Variants in NBEA observed in about 807,000 individuals in gnomAD.
The protein encoded by NBEA is lysosomal-trafficking regulator 2.
A neutral mutation model predicts 343.4 loss-of-function variants in NBEA; 44 were observed. That is an observed-to-expected ratio of 0.13 (90% CI 0.10 to 0.16). The LOEUF is 0.16. Among genes scored for constraint, NBEA ranks in the 10% least tolerant of loss-of-function variants. The pLI is 1.00. For synonymous variants in NBEA, 1,175 were observed against 1,238.7 expected (o/e 0.95, Z 1.08); for missense variants, 2,555 against 3,631.3 (o/e 0.70, Z 7.62).
chr13:35,434,639 A>G lies in NBEA; in HGVS notation c.6304+2246A>G, dbSNP rs371380066. The stretch of plus-strand genomic sequence containing the variant: ...CCTCTAACCTTCCTCACAGTTCACA[A>G]GTCTATGGACTTTAGGACTGAGTGG... On this transcript the variant is annotated intron_variant, in intron 39 of 58. Coordinates refer to ENST00000379939, the MANE Select transcript of NBEA (RefSeq NM_001385012.1). Among the ~76,000 whole-genome samples the G allele has an allele frequency of 3.0e-4, 46 of 152,332 alleles. No homozygotes were observed. In the South Asian group the frequency reaches 8.9e-3, roughly 29 times the overall value.
At chr13:35,222,465 C>T (rs993433245) in intron 33 of NBEA, among the ~76,000 whole-genome samples, 1 of 151,982 alleles carries the variant, frequency 6.6e-6, no homozygotes, top group Non-Finnish European at 1.5e-5. Context: ...TTGATATCTA[C>T]CAATTTGGTA....
chr13:35,133,159 A>G (rs1373609430), intron 17 of NBEA, among the ~76,000 whole-genome samples: 1 of 152,178 alleles, frequency 6.6e-6, no homozygotes, highest in East Asian at 1.9e-4. Flanking sequence ...AATTGTGCAA[A>G]TAAATTAGAA....
At chr13:35,266,949 TTA>T (rs151152598) in intron 34 of NBEA, among the ~76,000 whole-genome samples, 6,931 of 152,002 alleles carry the variant, frequency 0.046, 199 homozygotes, top group South Asian at 0.079. Context: ...TTAACACATT[TTA>T]TATGTTAATA....
chr13:35,075,335 G>A (rs759423019), intron 10 of NBEA, among the ~76,000 whole-genome samples: 4 of 151,942 alleles, frequency 2.6e-5, no homozygotes, highest in Admixed American at 1.3e-4. Flanking sequence ...ACTTTCTTCC[G>A]TGAGTTACTA....
chr13:35,084,439 C>G (rs541323271), intron 10 of NBEA, among the ~76,000 whole-genome samples: 2 of 152,104 alleles, frequency 1.3e-5, no homozygotes, highest in Admixed American at 1.3e-4. Context: ...CACTCAAAAC[C>G]GCTCAACTAC....
intron 27 of NBEA, among the ~76,000 whole-genome samples, chr13:35,175,969 A>T (rs1266129308): frequency 6.6e-6 from 1 of 152,148 alleles, no homozygotes; most frequent in East Asian, 1.9e-4. Context: ...TTCTAATCTT[A>T]AAATCTATGT....
At chr13:35,543,217 G>A (rs2078913718) in intron 41 of NBEA, among the ~76,000 whole-genome samples, 1 of 152,142 alleles carries the variant, frequency 6.6e-6, no homozygotes, top group African/African-American at 2.4e-5. Flanking sequence ...GGGATGAATA[G>A]TTAACACATG....
At chr13:35,670,217 C>A (rs760264503) in intron 58 of NBEA, among the ~76,000 whole-genome samples, 33 of 152,058 alleles carry the variant, frequency 2.2e-4, no homozygotes, top group South Asian at 4.2e-4. Context: ...GGCAGTGGGA[C>A]TGGGGAGGAA....
At position 35,010,740 on chromosome 13, in the gene NBEA, AAATATATATAT is replaced by A. The variant is rs1195273553; in HGVS notation, c.295-30191_295-30181del. On this transcript the variant is annotated intron_variant, in intron 1 of 58. Transcript: ENST00000379939. ...CTGGGTCTCTACAAAAAAAAAAAAA[AAATATATATAT>A]ATATATATATATATATATATATATA... Among the ~76,000 whole-genome samples, 299 of 33,628 alleles carry A rather than the reference AAATATATATAT, an allele frequency of 8.9e-3. 31 individuals are homozygous for A. Among genetic ancestry groups the A allele is most frequent in the African/African-American group, 0.027 (292 of 10,750 alleles). The allele number at this position is 33,628 out of a possible 152,430, so 22.1% of individuals were successfully genotyped here.
intron 36 of NBEA, among the ~76,000 whole-genome samples, chr13:35,334,670 G>T (rs2039140708): frequency 6.6e-6 from 1 of 152,094 alleles, no homozygotes; most frequent in South Asian, 2.1e-4. Context: ...AAAAATGTCT[G>T]TTCAAATTAT....
chr13:34,993,432 C>A (rs920877245), intron 1 of NBEA, among the ~76,000 whole-genome samples: 1 of 152,164 alleles, frequency 6.6e-6, no homozygotes, highest in Non-Finnish European at 1.5e-5. Context: ...TTTTCTGCAT[C>A]TATTACAGAC....
intron 38 of NBEA, among the ~76,000 whole-genome samples, chr13:35,362,121 C>G (rs1160200926): frequency 1.3e-5 from 2 of 151,934 alleles, no homozygotes; most frequent in African/African-American, 4.8e-5. Context: ...GTTGTCAACA[C>G]TAGTATTTGT....
chr13:35,663,172 C>G (rs181826735), intron 55 of NBEA, among the ~76,000 whole-genome samples: 223 of 152,288 alleles, frequency 1.5e-3, no homozygotes, highest in Middle Eastern at 0.014. Flanking sequence ...AAATTATTAG[C>G]CGTAGTCACC....
At position 35,098,422 on chromosome 13, in the gene NBEA, G is replaced by T. The variant is rs753820792; in HGVS notation, c.1680+17G>T. On this transcript the variant is annotated intron_variant, in intron 11 of 58. Coordinates refer to ENST00000379939, the MANE Select transcript of NBEA (RefSeq NM_001385012.1). Reference sequence around the variant, plus strand: ...CTTGAAAAGGTAAGTGATATGTGTTGATGGTTTTATTGTGTAGCTTCACAG... The same window carrying T: ...CTTGAAAAGGTAAGTGATATGTGTTTATGGTTTTATTGTGTAGCTTCACAG... 5.9e-6 allele frequency: 9 copies of T among 1,527,610 alleles called. No individual in the cohort carries two copies. The South Asian group carries it at 7.1e-5, about 12-fold the overall frequency. The allele number at this position is 1,527,610 out of a possible 1,614,324, so 94.6% of individuals were successfully genotyped here. A position where few individuals can be genotyped will look rare whatever the true frequency, so the allele number is the denominator to read the frequency against.
At chr13:35,365,803 T>C (rs1388668504) in intron 38 of NBEA, among the ~76,000 whole-genome samples, 1 of 151,594 alleles carries the variant, frequency 6.6e-6, no homozygotes, top group Non-Finnish European at 1.5e-5. Flanking sequence ...GTAAATATCC[T>C]TTTTTTATAA....
intron 41 of NBEA, among the ~76,000 whole-genome samples, chr13:35,508,469 A>G (rs2077154982): frequency 6.6e-6 from 1 of 152,192 alleles, no homozygotes; most frequent in South Asian, 2.1e-4. Context: ...GATGACAACA[A>G]TGCTGAGTTT....
intron 24 of NBEA, chr13:35,165,213 C>A (rs1485655632): frequency 2.1e-6 from 1 of 479,296 alleles, no homozygotes; most frequent in Non-Finnish European, 4.2e-6. Flanking sequence ...CCAAGTTGAT[C>A]TCTAAGTGTA....
intron 17 of NBEA, among the ~76,000 whole-genome samples, chr13:35,129,884 T>C (rs543054334): frequency 1.3e-5 from 2 of 152,024 alleles, no homozygotes; most frequent in South Asian, 4.1e-4. Flanking sequence ...TTAAAAGAAA[T>C]ATAATATTTT....
chr13:35,374,368 A>C (rs1467359250), intron 38 of NBEA, among the ~76,000 whole-genome samples: 1 of 152,236 alleles, frequency 6.6e-6, no homozygotes, highest in East Asian at 1.9e-4. Flanking sequence ...AAAGATCACT[A>C]ATCACAGATT....
Sources: gnomAD v4.1 joint callset for allele counts (sites outside exome capture counted in the v4.1 genomes callset) on GRCh38, gnomAD v4.1.1 for gene constraint, MANE v1.5 for transcripts, NCBI Gene and HGNC (gene_info 2026-07-23, HGNC 2026-07-21) for gene names.